The following PVALB variants were observed in gnomAD, a reference collection of about 807,000 sequenced individuals.
The protein encoded by PVALB is parvalbumin.
Under a neutral mutation model 10.9 loss-of-function variants are expected in PVALB, and 11 were observed. The observed-to-expected ratio is 1.01, with a 90% CI of 0.63 to 1.67. PVALB has a LOEUF of 1.67. Among genes scored for constraint, PVALB ranks in the 40% most tolerant of loss-of-function variants. The pLI is 0.00. For synonymous variants in PVALB, 57 were observed against 50.7 expected, an observed-to-expected ratio of 1.12 and a Z score of -0.53; for missense variants, 131 against 136.2, an observed-to-expected ratio of 0.96 and a Z score of 0.19.
chr22:36,814,848 A>G (rs1463990114), intron 2 of PVALB, among the ~76,000 whole-genome samples: 1 of 152,220 alleles, frequency 6.6e-6, no homozygotes, highest in Non-Finnish European at 1.5e-5. Flanking sequence ...ACATTCCATT[A>G]GCAATATTAA....
At chr22:36,807,105 C>T (rs1020026893) in intron 3 of PVALB, among the ~76,000 whole-genome samples, 8 of 152,166 alleles carry the variant, frequency 5.3e-5, no homozygotes, top group South Asian at 4.1e-4. Flanking sequence ...AAAGTCCACA[C>T]GGGAATAAAA....
At chr22:36,819,093 C>T (rs935480650), upstream of PVALB, among the ~76,000 whole-genome samples, 8 of 152,190 alleles carry the variant, frequency 5.3e-5, no homozygotes, top group African/African-American at 1.9e-4. Context: ...CCCATCAGCC[C>T]TGGGTAGTCC....
Position 36,809,881 on chromosome 22 carries a change from C to CGTTTTGTTTT in PVALB, c.304+3755_304+3764dup, listed in dbSNP as rs903591332. On this transcript the variant is annotated intron_variant, in intron 3 of 3. Coordinates refer to ENST00000417718, the MANE Select transcript of PVALB (RefSeq NM_001315532.2). ...TTTTTTTTTTTTTTTTTTGGTTTTT[C>CGTTTTGTTTT]GTTTTGTTTTGTTTTGTTTTTGAGA... is the stretch of plus-strand genomic sequence containing the variant. Among the ~76,000 whole-genome samples, 17 of 80,538 alleles carry CGTTTTGTTTT rather than the reference C, an allele frequency of 2.1e-4. No individual in the cohort carries two copies. The South Asian group carries it at 6.6e-3, about 31-fold the overall frequency. The allele number at this position is 80,538 out of a possible 152,430, so 52.8% of individuals were successfully genotyped here. A position where few individuals can be genotyped will look rare whatever the true frequency, so the allele number is the denominator to read the frequency against.
chr22:36,807,838 T>A (rs576072376), intron 3 of PVALB, among the ~76,000 whole-genome samples: 1 of 152,208 alleles, frequency 6.6e-6, no homozygotes, highest in East Asian at 1.9e-4. Flanking sequence ...ATAGGCTACT[T>A]AAGGATAAAA....
At chr22:36,812,045 T>G (rs918150035) in intron 3 of PVALB, among the ~76,000 whole-genome samples, 3 of 152,096 alleles carry the variant, frequency 2.0e-5, no homozygotes, top group Non-Finnish European at 4.4e-5. Context: ...AAAAAAACCC[T>G]CTAACTCATA....
At chr22:36,814,140 A>T (rs1939092897) in intron 2 of PVALB, among the ~76,000 whole-genome samples, 1 of 152,180 alleles carries the variant, frequency 6.6e-6, no homozygotes, top group Non-Finnish European at 1.5e-5. Context: ...GAGAGAGACC[A>T]CACAGTGTGA....
At chr22:36,811,275 CTAAA>C (rs72164769) in intron 3 of PVALB, among the ~76,000 whole-genome samples, 27,753 of 148,014 alleles carry the variant, frequency 0.19, 2,868 homozygotes, top group African/African-American at 0.28. Context: ...GAGACTGTCT[CTAAA>C]TAAATAAATA....
chr22:36,815,221 C>T lies in PVALB; in HGVS notation c.76G>A (p.Asp26Asn), dbSNP rs1230816376. 2 of 1,614,086 alleles carry T rather than the reference C, an allele frequency of 1.2e-6. No individual in the cohort carries two copies. The highest frequency in any genetic ancestry group is 1.7e-6 in the Non-Finnish European group (2 of 1,180,008). ...VGAFSATDSF[D>N]HKKFFQMVGL... ...ACCATTTGGAAGAACTTTTTGTGGT[C>T]GAAGGAGTCGGTAGCTGTGGGGGGA... Residue 26 changes from aspartate to asparagine, a missense_variant, in exon 2 of 4, where the codon GAC becomes AAC. By Grantham distance (23) the Asp-to-Asn change is conservative (BLOSUM62 1). Transcript: ENST00000417718.
chr22:36,801,666 G>A (rs1938867198), intron 3 of PVALB, among the ~76,000 whole-genome samples: 1 of 152,200 alleles, frequency 6.6e-6, no homozygotes, highest in South Asian at 2.1e-4. Flanking sequence ...TGGGTGTGGT[G>A]GCGGACGCCT....
intron 3 of PVALB, 156 bp downstream of exon 3, chr22:36,813,490 G>T: frequency 1.6e-6 from 1 of 616,044 alleles, no homozygotes; most frequent in South Asian, 2.1e-5. Context: ...ATGTGGCAGA[G>T]CTCTCAGACC....
At chr22:36,804,258 C>T (rs1026968378) in intron 3 of PVALB, among the ~76,000 whole-genome samples, 49 of 152,272 alleles carry the variant, frequency 3.2e-4, no homozygotes, top group African/African-American at 1.1e-3. Flanking sequence ...GCTGGTGTGA[C>T]GGGGACCCAG....
upstream of PVALB, among the ~76,000 whole-genome samples, chr22:36,817,939 A>C (rs549804697): frequency 6.6e-6 from 1 of 152,212 alleles, no homozygotes; most frequent in East Asian, 1.9e-4. Context: ...GCACCTTCAG[A>C]CCACACTTTC....
At chr22:36,813,379 T>G (rs1939077187) in intron 3 of PVALB, 2 of 424,580 alleles carry the variant, frequency 4.7e-6, no homozygotes, top group South Asian at 4.3e-5. Flanking sequence ...GAAAAAAAAA[T>G]CCCAAATCCT....
intron 3 of PVALB, among the ~76,000 whole-genome samples, chr22:36,806,950 G>A (rs1327157519): frequency 6.6e-6 from 1 of 152,148 alleles, no homozygotes; most frequent in Admixed American, 6.5e-5. Context: ...AACCCCCAGA[G>A]GCAGAAGGAG....
chr22:36,803,247 C>A (rs1938896164), intron 3 of PVALB, among the ~76,000 whole-genome samples: 2 of 152,154 alleles, frequency 1.3e-5, no homozygotes, highest in African/African-American at 4.8e-5. Context: ...TAGTTTCCGA[C>A]CTACTTTGAC....
intron 3 of PVALB, chr22:36,811,574 G>A (rs768468614): frequency 4.3e-6 from 2 of 462,782 alleles, no homozygotes; most frequent in South Asian, 1.6e-5. Flanking sequence ...TGGCAGGGAG[G>A]GAGGGAGGGA....
intron 3 of PVALB, among the ~76,000 whole-genome samples, chr22:36,810,969 G>T (rs568506104): frequency 1.3e-5 from 2 of 152,278 alleles, no homozygotes; most frequent in South Asian, 2.1e-4. Flanking sequence ...CAAGCAATTT[G>T]CAGACAATAA....
intron 1 of PVALB, 74 bp from the exon 2 acceptor site, chr22:36,815,309 A>C (rs747485192): frequency 1.2e-5 from 19 of 1,577,904 alleles, no homozygotes; most frequent in Non-Finnish European, 1.7e-5. Context: ...GGGGGGCATC[A>C]AGGCATTTGT....
At chr22:36,810,246 C>T (rs1490864813) in intron 3 of PVALB, among the ~76,000 whole-genome samples, 1 of 152,224 alleles carries the variant, frequency 6.6e-6, no homozygotes, top group African/African-American at 2.4e-5. Flanking sequence ...TGCCCCAGAT[C>T]CCGCCAGGAG....
Sources: gnomAD v4.1 joint callset for allele counts (sites outside exome capture counted in the v4.1 genomes callset) on GRCh38, gnomAD v4.1.1 for gene constraint, MANE v1.5 for transcripts, NCBI Gene and HGNC (gene_info 2026-07-23, HGNC 2026-07-21) for gene names.